Variants in IKZF3 observed in about 807,000 individuals in gnomAD.
IKZF3 encodes IKAROS family zinc finger 3.
A neutral mutation model predicts 49.0 loss-of-function variants in IKZF3; 10 were observed. The ratio of observed to expected loss-of-function variants is 0.20; its 90% CI spans 0.13 to 0.35. IKZF3 has a LOEUF of 0.35. Among genes scored for constraint, IKZF3 ranks in the 10% least tolerant of loss-of-function variants. The pLI is 1.00. For synonymous variants in IKZF3, 209 were observed against 228.2 expected (o/e 0.92, Z 0.76); for missense variants, 498 against 664.8 (o/e 0.75, Z 2.76).
At chr17:39,839,890 C>T (rs2062415633) in intron 1 of IKZF3, among the ~76,000 whole-genome samples, 1 of 152,106 alleles carries the variant, frequency 6.6e-6, no homozygotes, top group Admixed American at 6.6e-5. Flanking sequence ...AAACTCCTGG[C>T]CTTAAGGTAA....
intron 6 of IKZF3, among the ~76,000 whole-genome samples, chr17:39,780,074 T>G (rs1299740498): frequency 6.6e-6 from 1 of 152,068 alleles, no homozygotes; most frequent in Non-Finnish European, 1.5e-5. Flanking sequence ...CATGTTGGCA[T>G]GCGCCTGTAG....
intron 1 of IKZF3, among the ~76,000 whole-genome samples, chr17:39,851,590 T>G (rs2062877315): frequency 1.3e-5 from 2 of 152,144 alleles, no homozygotes; most frequent in Admixed American, 6.5e-5. Flanking sequence ...TTAATTTATA[T>G]GAAATTCAAC....
intron 1 of IKZF3, among the ~76,000 whole-genome samples, chr17:39,849,384 C>T (rs1243821607): frequency 1.5e-5 from 2 of 135,306 alleles, no homozygotes; most frequent in East Asian, 2.2e-4. Flanking sequence ...TCCAGCCAGG[C>T]GTGGTGGCTC....
intron 3 of IKZF3, among the ~76,000 whole-genome samples, chr17:39,800,256 C>A (rs549908777): frequency 6.6e-6 from 1 of 152,292 alleles, no homozygotes; most frequent in African/African-American, 2.4e-5. Context: ...TAAGTTGACA[C>A]TTAGAAGACT....
chr17:39,818,962 T>TTCTAC (rs67447905), intron 3 of IKZF3, among the ~76,000 whole-genome samples: 1 of 36,320 alleles, frequency 2.8e-5, no homozygotes, highest in African/African-American at 1.5e-4. Context: ...TGATCATATC[T>TTCTAC]TCTCTATCAA....
intron 1 of IKZF3, among the ~76,000 whole-genome samples, chr17:39,848,851 T>TA (rs1323113235): frequency 1.3e-5 from 2 of 151,990 alleles, no homozygotes; most frequent in Admixed American, 1.3e-4. Flanking sequence ...AGCTAATTTT[T>TA]AAAAAAATGT....
chr17:39,840,366 T>C (rs565019522), intron 1 of IKZF3, among the ~76,000 whole-genome samples: 2 of 152,344 alleles, frequency 1.3e-5, no homozygotes, highest in South Asian at 4.1e-4. Context: ...TGCCCTTGTA[T>C]AAAAGGCCAT....
At chr17:39,822,295 C>T (rs769559294) in intron 3 of IKZF3, among the ~76,000 whole-genome samples, 16 of 152,106 alleles carry the variant, frequency 1.1e-4, no homozygotes, top group Non-Finnish European at 1.9e-4. Flanking sequence ...GAATTGTAAG[C>T]CCCATAATCC....
intron 3 of IKZF3, among the ~76,000 whole-genome samples, chr17:39,813,635 A>T (rs79388551): frequency 0.037 from 5,342 of 143,102 alleles, 325 homozygotes; most frequent in African/African-American, 0.13. Context: ...CAGCGTGATT[A>T]AAAAAAAAAA....
chr17:39,828,909 G>A (rs894512992), intron 3 of IKZF3, among the ~76,000 whole-genome samples: 6 of 152,216 alleles, frequency 3.9e-5, no homozygotes, highest in Admixed American at 1.3e-4. Flanking sequence ...ACTGAGGCAG[G>A]AGAATCACTA....
intron 1 of IKZF3, among the ~76,000 whole-genome samples, chr17:39,847,214 C>T (rs2062659091): frequency 6.6e-6 from 1 of 152,138 alleles, no homozygotes; most frequent in Admixed American, 6.6e-5. Flanking sequence ...TTCTCCGTAT[C>T]ACCATCATAT....
At chr17:39,832,608 T>C (rs1042007999) in intron 1 of IKZF3, among the ~76,000 whole-genome samples, 1 of 152,012 alleles carries the variant, frequency 6.6e-6, no homozygotes, top group Admixed American at 6.6e-5. Flanking sequence ...GAAGTCACTA[T>C]GTTAAGTGAA....
intron 1 of IKZF3, among the ~76,000 whole-genome samples, chr17:39,845,279 C>T (rs989316457): frequency 6.6e-6 from 1 of 151,926 alleles, no homozygotes; most frequent in Non-Finnish European, 1.5e-5. Context: ...CCCAGCACTT[C>T]GGAAGGCTGA....
At chr17:39,855,991 A>C (rs542162415) in intron 1 of IKZF3, among the ~76,000 whole-genome samples, 2 of 151,064 alleles carry the variant, frequency 1.3e-5, no homozygotes, top group Non-Finnish European at 2.9e-5. Flanking sequence ...TAACATGTAT[A>C]TTGTATATGT....
intron 3 of IKZF3, among the ~76,000 whole-genome samples, chr17:39,808,859 A>G (rs1259181489): frequency 6.6e-6 from 1 of 152,242 alleles, no homozygotes; most frequent in Non-Finnish European, 1.5e-5. Flanking sequence ...GAAAAGAGTA[A>G]TAATGGACCA....
chr17:39,821,663 C>T (rs2061813392), intron 3 of IKZF3, among the ~76,000 whole-genome samples: 1 of 152,142 alleles, frequency 6.6e-6, no homozygotes, highest in Admixed American at 6.5e-5. Flanking sequence ...CTGAACCACG[C>T]TCAGATTCTG....
intron 3 of IKZF3, among the ~76,000 whole-genome samples, chr17:39,803,741 G>A (rs1178128971): frequency 6.6e-6 from 1 of 152,078 alleles, no homozygotes; most frequent in Non-Finnish European, 1.5e-5. Context: ...TCGAACTCTG[G>A]ACCTCAGATG....
Position 39,761,532 on chromosome 17 carries a change from A to G in IKZF3, c.*4258T>C, listed in dbSNP as rs2060183233. ...AGTTTGAGTCTGGCCTAGGCAACAT[A>G]GTGAGACCCTGGTCCTCTAAAATAT... On this transcript the variant is annotated 3_prime_UTR_variant, in exon 8 of 8. Transcript: ENST00000346872. The G allele has an allele frequency of 6.6e-6, 1 of 151,942 alleles. No homozygotes were observed. Among genetic ancestry groups the G allele is most frequent in the African/African-American group, 2.4e-5 (1 of 41,228 alleles). 9.4% of individuals were successfully genotyped at this position (151,942 alleles called of 1,614,324 possible). A position where few individuals can be genotyped will look rare whatever the true frequency, so the allele number is the denominator to read the frequency against.
chr17:39,842,913 C>T (rs879659348), intron 1 of IKZF3, among the ~76,000 whole-genome samples: 85 of 152,194 alleles, frequency 5.6e-4, no homozygotes, highest in Non-Finnish European at 5.1e-4. Flanking sequence ...TATGTGCCTT[C>T]TGATAGTGAG....
Sources: gnomAD v4.1 joint callset for allele counts (sites outside exome capture counted in the v4.1 genomes callset) on GRCh38, gnomAD v4.1.1 for gene constraint, MANE v1.5 for transcripts, NCBI Gene and HGNC (gene_info 2026-07-23, HGNC 2026-07-21) for gene names.